The following PYGO1 variants were observed in gnomAD, a reference collection of about 807,000 sequenced individuals.
PYGO1 encodes pygopus homolog 1.
Under a neutral mutation model 29.5 loss-of-function variants are expected in PYGO1, and 6 were observed. That is an observed-to-expected ratio of 0.20 (90% CI 0.11 to 0.40). The LOEUF is 0.40. Ranked by LOEUF, PYGO1 falls within the 10% of genes least tolerant of loss-of-function variation. The probability of loss-of-function intolerance (pLI) is 1.00; values close to 1 mark genes in which losing one functional copy is unlikely to be tolerated. For synonymous variants in PYGO1, 186 were observed against 180.5 expected (o/e 1.03, Z -0.24); for missense variants, 515 against 514.9 (o/e 1.00, Z 0.00).
At chr15:55,568,767 G>C (rs1007653317) in intron 1 of PYGO1, among the ~76,000 whole-genome samples, 2 of 152,028 alleles carry the variant, frequency 1.3e-5, no homozygotes, top group African/African-American at 4.8e-5. Context: ...ATGTTCGTTC[G>C]ATGCCTAGTT....
At chr15:55,548,707 T>TAAAA (rs60796044) in intron 2 of PYGO1, among the ~76,000 whole-genome samples, 18 of 55,446 alleles carry the variant, frequency 3.2e-4, no homozygotes, top group East Asian at 8.8e-4. Context: ...AGAATCCACC[T>TAAAA]AAAAAAAAAA....
At chr15:55,570,260 T>C (rs187951250) in intron 1 of PYGO1, among the ~76,000 whole-genome samples, 107 of 152,282 alleles carry the variant, frequency 7.0e-4, no homozygotes, top group African/African-American at 2.5e-3. Context: ...GCTCACAGAG[T>C]TGATCTTTAT....
At chr15:55,551,736 G>T (rs765103976) in intron 1 of PYGO1, among the ~76,000 whole-genome samples, 3 of 152,052 alleles carry the variant, frequency 2.0e-5, no homozygotes, top group South Asian at 2.1e-4. Context: ...GATCTCAGGG[G>T]TTGGAGGCTG....
rs536810692 is a variant in PYGO1, at chr15:55,542,436, A to G, written c.*3587T>C. The G allele has an allele frequency of 6.6e-6, 1 of 152,234 alleles. No homozygotes were observed. The highest frequency in any genetic ancestry group is 1.5e-5 in the Non-Finnish European group (1 of 68,044). The allele number at this position is 152,234 out of a possible 1,614,324, so 9.4% of individuals were successfully genotyped here. A position where few individuals can be genotyped will look rare whatever the true frequency, so the allele number is the denominator to read the frequency against. On this transcript the variant is annotated 3_prime_UTR_variant, in exon 3 of 3. Coordinates refer to ENST00000563719, the MANE Select transcript of PYGO1 (RefSeq NM_001367806.1). Reference sequence around the variant, plus strand: ...TTCTAATTTGAATAACAATTATAGCAGTACTCTAAAGTATTTCACACAAAA... The same window carrying G: ...TTCTAATTTGAATAACAATTATAGCGGTACTCTAAAGTATTTCACACAAAA...
intron 1 of PYGO1, among the ~76,000 whole-genome samples, chr15:55,582,883 T>G (rs1427482508): frequency 6.6e-6 from 1 of 152,184 alleles, no homozygotes; most frequent in Non-Finnish European, 1.5e-5. Context: ...TTATGCTCCT[T>G]CTCCAATCTT....
intron 1 of PYGO1, among the ~76,000 whole-genome samples, chr15:55,556,585 G>T (rs1343182070): frequency 6.6e-6 from 1 of 151,662 alleles, no homozygotes. Flanking sequence ...ACAACTAAAA[G>T]AACTGGAGAA....
chr15:55,549,995 T>C (rs2058871636), intron 1 of PYGO1, among the ~76,000 whole-genome samples: 1 of 152,214 alleles, frequency 6.6e-6, no homozygotes, highest in East Asian at 1.9e-4. Context: ...TCAGAATGTA[T>C]TTCTAAAAAC....
intron 1 of PYGO1, among the ~76,000 whole-genome samples, chr15:55,563,641 C>A (rs183380137): frequency 6.6e-6 from 1 of 152,170 alleles, no homozygotes; most frequent in South Asian, 2.1e-4. Context: ...TGAGCCACCA[C>A]GTCCAGCCAC....
intron 1 of PYGO1, among the ~76,000 whole-genome samples, chr15:55,551,308 T>C (rs2141648854): frequency 6.6e-6 from 1 of 152,336 alleles, no homozygotes; most frequent in African/African-American, 2.4e-5. Context: ...TCTTTAACAG[T>C]TGTATTAATT....
chr15:55,563,545 T>A (rs998115434), intron 1 of PYGO1, among the ~76,000 whole-genome samples: 5 of 151,794 alleles, frequency 3.3e-5, no homozygotes, highest in Non-Finnish European at 7.4e-5. Context: ...AGAGATGGGG[T>A]TTTACCACAT....
intron 1 of PYGO1, among the ~76,000 whole-genome samples, chr15:55,562,136 C>T (rs113706453): frequency 5.9e-5 from 9 of 152,138 alleles, no homozygotes; most frequent in East Asian, 3.9e-4. Context: ...AAAACCACAA[C>T]GAGATACCAT....
At chr15:55,549,488 G>C (rs1473147459) in intron 1 of PYGO1, among the ~76,000 whole-genome samples, 1 of 152,100 alleles carries the variant, frequency 6.6e-6, no homozygotes, top group Non-Finnish European at 1.5e-5. Flanking sequence ...TCTACAGTGT[G>C]ACTACACCAT....
Position 55,588,131 on chromosome 15 carries a change from C to T in PYGO1, c.-248G>A, listed in dbSNP as rs907526173. The T allele has an allele frequency of 6.4e-5, 54 of 841,018 alleles. No homozygotes were observed. The African/African-American group carries it at 8.3e-4, about 13-fold the overall frequency. The allele number at this position is 841,018 out of a possible 1,614,324, so 52.1% of individuals were successfully genotyped here. A position where few individuals can be genotyped will look rare whatever the true frequency, so the allele number is the denominator to read the frequency against. On this transcript the variant is annotated 5_prime_UTR_variant, in exon 1 of 3. Transcript: ENST00000563719. ...GGGGCTCAGCGGCGGTGGCCGGGAG[C>T]GCGGCCTGGGGGCGGCCCCCCACCC... is the stretch of plus-strand genomic sequence containing the variant.
intron 2 of PYGO1, among the ~76,000 whole-genome samples, 157 bp from the exon 3 acceptor site, chr15:55,547,304 A>G (rs2058856986): frequency 6.6e-6 from 1 of 152,194 alleles, no homozygotes; most frequent in Admixed American, 6.5e-5. Context: ...AATTTTGACT[A>G]ATGTTTATAT....
intron 1 of PYGO1, 38 bp from the exon 2 acceptor site, chr15:55,549,033 T>A (rs2058866942): frequency 6.7e-7 from 1 of 1,494,058 alleles, no homozygotes; most frequent in Non-Finnish European, 9.2e-7. Flanking sequence ...TTCCCACTTG[T>A]AAGTGAAGTT....
At chr15:55,569,027 T>C (rs2141666574) in intron 1 of PYGO1, among the ~76,000 whole-genome samples, 1 of 152,212 alleles carries the variant, frequency 6.6e-6, no homozygotes, top group African/African-American at 2.4e-5. Flanking sequence ...TCTATGTTCA[T>C]CAGGGATACT....
intron 1 of PYGO1, among the ~76,000 whole-genome samples, chr15:55,562,148 T>C (rs555364878): frequency 6.6e-6 from 1 of 152,266 alleles, no homozygotes; most frequent in African/African-American, 2.4e-5. Flanking sequence ...AGATACCATC[T>C]CACATCAGTC....
chr15:55,577,077 A>G (rs1012033094), intron 1 of PYGO1, among the ~76,000 whole-genome samples: 1 of 152,094 alleles, frequency 6.6e-6, no homozygotes, highest in Non-Finnish European at 1.5e-5. Flanking sequence ...TCACCCTGCC[A>G]ATGTAAACTG....
At chr15:55,569,898 A>G (rs2058973530) in intron 1 of PYGO1, among the ~76,000 whole-genome samples, 3 of 152,310 alleles carry the variant, frequency 2.0e-5, no homozygotes, top group East Asian at 3.9e-4. Flanking sequence ...TCACCAAGGA[A>G]TTCCTGATTT....
Sources: gnomAD v4.1 joint callset for allele counts (sites outside exome capture counted in the v4.1 genomes callset) on GRCh38, gnomAD v4.1.1 for gene constraint, MANE v1.5 for transcripts, NCBI Gene and HGNC (gene_info 2026-07-23, HGNC 2026-07-21) for gene names.